Variants in ADAMTS14 observed in about 807,000 individuals in gnomAD.
ADAMTS14 encodes the protein A disintegrin and metalloproteinase with thrombospondin motifs 14.
ADAMTS14 carries 100 observed loss-of-function variants against 128.6 expected under a neutral mutation model. That is an observed-to-expected ratio of 0.78 (90% CI 0.66 to 0.92). The LOEUF (loss-of-function observed/expected upper bound fraction) is 0.92, where lower values mean the gene tolerates loss of function less well. Among genes scored for constraint, ADAMTS14 ranks in the 40% least tolerant of loss-of-function variants. ADAMTS14 has a pLI of 0.00. For synonymous variants in ADAMTS14, 665 were observed against 653.8 expected (o/e 1.02, Z -0.26); for missense variants, 1,562 against 1,658.6 (o/e 0.94, Z 1.01).
At chr10:70,753,517 C>T (rs545688730) in intron 18 of ADAMTS14, among the ~76,000 whole-genome samples, 14 of 152,290 alleles carry the variant, frequency 9.2e-5, no homozygotes, top group Admixed American at 8.5e-4. Flanking sequence ...GTAACTGAGG[C>T]TTAGAAGGCT....
chr10:70,699,183 A>G (rs2132586433), intron 2 of ADAMTS14, among the ~76,000 whole-genome samples: 1 of 152,284 alleles, frequency 6.6e-6, no homozygotes, highest in East Asian at 1.9e-4. Flanking sequence ...CAGGTAATAC[A>G]GTATTGTAGT....
chr10:70,706,589 G>A (rs1840675614), intron 3 of ADAMTS14, among the ~76,000 whole-genome samples: 1 of 152,224 alleles, frequency 6.6e-6, no homozygotes, highest in South Asian at 2.1e-4. Flanking sequence ...GCTGCCTGCA[G>A]TGTGAGCTTA....
At chr10:70,696,756 G>GAGA (rs1184872605) in intron 2 of ADAMTS14, among the ~76,000 whole-genome samples, 1 of 152,198 alleles carries the variant, frequency 6.6e-6, no homozygotes, top group East Asian at 1.9e-4. Flanking sequence ...AGTGGGGGAA[G>GAGA]AGAAGGAGCC....
intron 20 of ADAMTS14, 40 bp downstream of exon 20, chr10:70,758,131 G>C (rs1202859208): frequency 8.1e-6 from 13 of 1,612,494 alleles, no homozygotes; most frequent in Middle Eastern, 1.7e-4. Context: ...CCAGTCCCTT[G>C]GGCCAAAGTC....
At chr10:70,730,630 C>CA (rs1232920897) in intron 6 of ADAMTS14, among the ~76,000 whole-genome samples, 1 of 152,174 alleles carries the variant, frequency 6.6e-6, no homozygotes, top group East Asian at 1.9e-4. Flanking sequence ...GTGTGGGCTG[C>CA]AGAACAGGAA....
intron 21 of ADAMTS14, 88 bp downstream of exon 21, chr10:70,758,373 C>A: frequency 8.5e-7 from 1 of 1,171,082 alleles, no homozygotes; most frequent in East Asian, 2.6e-5. Flanking sequence ...GGAGCAAACC[C>A]AGCTTGTAGC....
rs546027728 is a variant in ADAMTS14, at chr10:70,718,301, T to C, written c.870+9523T>C. Among the ~76,000 whole-genome samples, 388 of 152,298 alleles carry C rather than the reference T, an allele frequency of 2.5e-3. 3 individuals are homozygous for C. Among genetic ancestry groups the C allele is most frequent in the African/African-American group, 8.9e-3 (369 of 41,576 alleles). On this transcript the variant is annotated intron_variant, in intron 4 of 21. Coordinates refer to ENST00000373207, the MANE Select transcript of ADAMTS14 (RefSeq NM_080722.4). ...TTCTTTTATGTCTCTTCCCCAAAAC[T>C]GCTTTTGTGAAAAGTAAAAAAACTC...
chr10:70,731,064 C>CCACACACCACACA (rs71472998), intron 6 of ADAMTS14, among the ~76,000 whole-genome samples: 1 of 145,652 alleles, frequency 6.9e-6, no homozygotes, highest in Non-Finnish European at 1.5e-5. Flanking sequence ...GTTTTACACA[C>CCACACACCACACA]CACACACACA....
At chr10:70,711,255 C>T (rs772761445) in intron 4 of ADAMTS14, among the ~76,000 whole-genome samples, 1 of 152,246 alleles carries the variant, frequency 6.6e-6, no homozygotes, top group South Asian at 2.1e-4. Flanking sequence ...CAACACAACG[C>T]TGACTCCTAT....
chr10:70,743,085 TTCCTTAACC>T (rs1842056778), intron 12 of ADAMTS14, among the ~76,000 whole-genome samples: 4 of 152,344 alleles, frequency 2.6e-5, no homozygotes, highest in Admixed American at 2.0e-4. Flanking sequence ...CTTGAGCAAG[TTCCTTAACC>T]TCTCTGGTCC....
At position 70,733,895 on chromosome 10, in the gene ADAMTS14, G is replaced by C. The variant is rs775624328; in HGVS notation, c.1219G>C (p.Glu407Gln). 3 of 1,613,300 alleles carry C rather than the reference G, an allele frequency of 1.9e-6. No individual in the cohort carries two copies. The highest frequency in any genetic ancestry group is 2.5e-6 in the Non-Finnish European group (3 of 1,179,614). ...AHETGHVLGM[E>Q]HDGQGNGCAD... is the part of the protein sequence containing the mutation. ...TCTTCCCCATTCCAGGCTCGGCATG[G>C]AGCATGACGGTCAGGGGAATGGCTG... Residue 407 changes from glutamate (E) to glutamine (Q), a missense_variant, in exon 8 of 22, where the codon GAG becomes CAG. Physicochemically the swap from Glu to Gln is conservative, Grantham distance 29. Coordinates refer to ENST00000373207, the MANE Select transcript of ADAMTS14 (RefSeq NM_080722.4).
chr10:70,719,375 C>T (rs1841173712), intron 4 of ADAMTS14, among the ~76,000 whole-genome samples: 1 of 42,014 alleles, frequency 2.4e-5, no homozygotes, highest in Admixed American at 2.2e-4. Context: ...AATACACACA[C>T]ACACACACAC....
chr10:70,724,058 T>G (rs776619284), intron 4 of ADAMTS14, among the ~76,000 whole-genome samples: 5 of 152,232 alleles, frequency 3.3e-5, no homozygotes, highest in Non-Finnish European at 5.9e-5. Flanking sequence ...TGCCAAGCCC[T>G]TGGCACAGTG....
intron 21 of ADAMTS14, 69 bp downstream of exon 21, chr10:70,758,354 C>T (rs1365596504): frequency 7.0e-7 from 1 of 1,418,818 alleles, no homozygotes; most frequent in Non-Finnish European, 9.6e-7. Flanking sequence ...GCAGCATGGG[C>T]CACTCAGTGG....
chr10:70,711,723 G>T (rs1840866121), intron 4 of ADAMTS14, among the ~76,000 whole-genome samples: 1 of 151,520 alleles, frequency 6.6e-6, no homozygotes, highest in Non-Finnish European at 1.5e-5. Flanking sequence ...TTCTTTTTAG[G>T]AACCCCAACA....
Position 70,758,013 on chromosome 10 carries a change from A to C in ADAMTS14, c.2989A>C (p.Thr997Pro). The change falls in exon 20 of 22, where the codon ACC becomes CCC. Residue 997 changes from threonine to proline, a missense_variant. Transcript: ENST00000373207. The part of the protein sequence containing the change: ...GIQQRQVVCR[T>P]NANSLGHCEG... ...CCAGCAGCGGCAGGTGGTGTGCAGG[A>C]CCAACGCCAACAGCCTCGGGCATTG... is the stretch of plus-strand genomic sequence containing the variant. 6.2e-7 allele frequency: 1 copy of C among 1,613,522 alleles called. No homozygotes were observed. The highest frequency in any genetic ancestry group is 8.5e-7 in the Non-Finnish European group (1 of 1,179,924).
intron 4 of ADAMTS14, among the ~76,000 whole-genome samples, chr10:70,727,818 G>A (rs1841491898): frequency 6.6e-6 from 1 of 152,226 alleles, no homozygotes; most frequent in South Asian, 2.1e-4. Flanking sequence ...GGCCTCGGCC[G>A]GGCGCGGTGG....
intron 4 of ADAMTS14, among the ~76,000 whole-genome samples, chr10:70,710,014 G>A (rs1412453882): frequency 1.3e-5 from 2 of 152,198 alleles, no homozygotes; most frequent in Non-Finnish European, 2.9e-5. Flanking sequence ...GTCTGGGTGA[G>A]GTGAGACCCA....
chr10:70,677,740 C>T (rs539357693), intron 2 of ADAMTS14, among the ~76,000 whole-genome samples: 32 of 152,282 alleles, frequency 2.1e-4, no homozygotes, highest in African/African-American at 7.2e-4. Flanking sequence ...CCACTGGGGC[C>T]GCCGGCACAG....
Sources: allele counts gnomAD v4.1 joint callset (sites outside exome capture counted in the v4.1 genomes callset), GRCh38; gene constraint gnomAD v4.1.1; transcripts MANE v1.5; gene names NCBI Gene and HGNC (gene_info 2026-07-23, HGNC 2026-07-21).